R3HDM1: variants seen among roughly 807,000 people sequenced by gnomAD.
R3HDM1 encodes the protein R3H domain containing 1, also known as R3H domain-containing protein 1.
A neutral mutation model predicts 141.1 loss-of-function variants in R3HDM1; 46 were observed. The observed-to-expected ratio is 0.33, with a 90% CI of 0.26 to 0.42. R3HDM1 has a LOEUF of 0.42. R3HDM1 is among the 10% of genes least tolerant of loss of function. R3HDM1 has a pLI of 1.00. For missense variants in R3HDM1, 1,184 were observed against 1,368.3 expected, an observed-to-expected ratio of 0.87 and a Z score of 2.12; for synonymous variants, 435 against 472.9, an observed-to-expected ratio of 0.92 and a Z score of 1.04.
At chr2:135,638,681 T>C (rs1251682770) in intron 12 of R3HDM1, 26 bp downstream of exon 12, 2 of 1,611,232 alleles carry the variant, frequency 1.2e-6, no homozygotes, top group African/African-American at 2.7e-5. Context: ...ACATCTGTTT[T>C]GGTAATTGTC....
intron 19 of R3HDM1, among the ~76,000 whole-genome samples, chr2:135,666,113 G>C (rs1310792210): frequency 6.6e-6 from 1 of 152,156 alleles, no homozygotes; most frequent in East Asian, 1.9e-4. Context: ...ACTATGGTAG[G>C]ATCCTGATGA....
chr2:135,698,849 G>A (rs940415044), intron 21 of R3HDM1, among the ~76,000 whole-genome samples: 6 of 151,986 alleles, frequency 3.9e-5, no homozygotes, highest in Non-Finnish European at 8.8e-5. Flanking sequence ...AGTACCAAGG[G>A]GGAATGGTGC....
At chr2:135,579,597 G>GGA (rs1553539814) in intron 1 of R3HDM1, among the ~76,000 whole-genome samples, 1 of 119,120 alleles carries the variant, frequency 8.4e-6, no homozygotes, top group African/African-American at 2.7e-5. Context: ...TGGGGTGGCG[G>GGA]GGGGGGGTGG....
At chr2:135,539,664 G>GA (rs563136409) in intron 1 of R3HDM1, among the ~76,000 whole-genome samples, 376 of 146,558 alleles carry the variant, frequency 2.6e-3, no homozygotes, top group African/African-American at 7.4e-3. Context: ...GTTATCATTT[G>GA]AAAAAAAAAA....
In R3HDM1 at chr2:135,659,071, G is replaced by A. The variant is rs78826211; in HGVS notation, c.2029-2199G>A. Among the ~76,000 whole-genome samples the A allele has an allele frequency of 1.5e-4, 22 of 150,324 alleles. 1 individual carries two copies. Among genetic ancestry groups the A allele is most frequent in the South Asian group, 6.3e-4 (3 of 4,728 alleles). ...AGTCTGTGTGTGTGTGTGTGTGTGT[G>A]TGTGTGTGTGTGTGTGTTTGGTTTG... On this transcript the variant is annotated intron_variant, in intron 18 of 26. Transcript: ENST00000683871.
Position 135,715,598 on chromosome 2 carries a change from G to A in R3HDM1, c.2785G>A (p.Ala929Thr). The change falls in exon 24 of 27, where the codon GCA (alanine) becomes ACA (threonine). Residue 929 changes from alanine (A) to threonine (T), a missense_variant. Coordinates refer to ENST00000683871, the MANE Select transcript of R3HDM1 (RefSeq NM_001378107.1). ...SPIISPAQSP[A>T]PAQLSTLKTV... The stretch of plus-strand genomic sequence containing the variant: ...CATTATTTCACCAGCTCAGTCGCCA[G>A]CACCAGCTCAGCTGTCCACCCTGAA... 1 of 1,614,050 alleles carries A rather than the reference G, an allele frequency of 6.2e-7. No homozygotes were observed. Among genetic ancestry groups the A allele is most frequent in the Non-Finnish European group, 8.5e-7 (1 of 1,179,952 alleles).
At chr2:135,673,892 G>T (rs1363472183) in intron 19 of R3HDM1, among the ~76,000 whole-genome samples, 1 of 152,112 alleles carries the variant, frequency 6.6e-6, no homozygotes, top group African/African-American at 2.4e-5. Context: ...TGAGACAAGG[G>T]TCTTGCGCTG....
intron 1 of R3HDM1, among the ~76,000 whole-genome samples, chr2:135,540,436 C>A (rs1172062090): frequency 1.3e-5 from 2 of 152,150 alleles, no homozygotes; most frequent in East Asian, 1.9e-4. Context: ...CACAAATATT[C>A]TTTTAAGACA....
rs927059296 is a variant in R3HDM1 at position 135,602,425 on chromosome 2, T to C, written c.-249-75T>C. 19 of 997,876 alleles carry C rather than the reference T, an allele frequency of 1.9e-5. No individual in the cohort carries two copies. The African/African-American group carries it at 3.0e-4, about 16-fold the overall frequency. The allele number at this position is 997,876 out of a possible 1,614,324, so 61.8% of individuals were successfully genotyped here. A position where few individuals can be genotyped will look rare whatever the true frequency, so the allele number is the denominator to read the frequency against. On this transcript the variant is annotated intron_variant, in intron 1 of 26. Coordinates refer to ENST00000683871, the MANE Select transcript of R3HDM1 (RefSeq NM_001378107.1). ...AAACAACTGACAGTAATATTTTTAATTTCTCAGTTTCATGTGGAGTGTTCC... is the reference window on the plus strand; with the variant it reads ...AAACAACTGACAGTAATATTTTTAACTTCTCAGTTTCATGTGGAGTGTTCC...
intron 1 of R3HDM1, among the ~76,000 whole-genome samples, chr2:135,591,364 C>T (rs993856461): frequency 4.6e-5 from 7 of 151,998 alleles, no homozygotes; most frequent in African/African-American, 1.2e-4. Flanking sequence ...ATATATCAAG[C>T]GAAATCGAAT....
chr2:135,714,728 A>T (rs2105450505), intron 23 of R3HDM1, among the ~76,000 whole-genome samples: 1 of 151,036 alleles, frequency 6.6e-6, no homozygotes, highest in South Asian at 2.1e-4. Context: ...ACAGTTCCAA[A>T]AAACACAGTG....
chr2:135,563,209 G>C lies in R3HDM1; in HGVS notation c.-250+31576G>C, dbSNP rs1008519977. On this transcript the variant is annotated intron_variant, in intron 1 of 26. Coordinates refer to ENST00000683871, the MANE Select transcript of R3HDM1 (RefSeq NM_001378107.1). ...TAGCATGGGGAATAAATGCGTGCAT[G>C]TGTGTCACTCTTGTGCTGGGGCCAT... Among the ~76,000 whole-genome samples the C allele has an allele frequency of 8.5e-5, 13 of 152,336 alleles. No individual in the cohort carries two copies. In the East Asian group the frequency reaches 1.7e-3, roughly 20 times the overall value.
At chr2:135,717,637 A>G (rs1252555440) in intron 24 of R3HDM1, among the ~76,000 whole-genome samples, 12 of 152,174 alleles carry the variant, frequency 7.9e-5, no homozygotes, top group Non-Finnish European at 1.5e-5. Flanking sequence ...CTGGGTGATA[A>G]AATAATAAGT....
At chr2:135,657,410 C>CAA (rs11334528) in intron 18 of R3HDM1, among the ~76,000 whole-genome samples, 7 of 73,916 alleles carry the variant, frequency 9.5e-5, no homozygotes, top group Admixed American at 1.6e-4. Flanking sequence ...TACTCTGTCT[C>CAA]AAAAAAAAAA....
chr2:135,610,526 T>C (rs992453447), intron 3 of R3HDM1, among the ~76,000 whole-genome samples: 13 of 152,220 alleles, frequency 8.5e-5, no homozygotes, highest in Non-Finnish European at 1.9e-4. Flanking sequence ...TTATGTCTTG[T>C]ATCCCTCAAG....
chr2:135,584,459 TTG>T, intron 1 of R3HDM1: 2 of 852,844 alleles, frequency 2.3e-6, no homozygotes, highest in Non-Finnish European at 2.8e-6. Flanking sequence ...TGTTTCATAT[TTG>T]TGTTTTAACA....
intron 21 of R3HDM1, among the ~76,000 whole-genome samples, chr2:135,699,037 AGATAGAT>A (rs1188958265): frequency 2.0e-5 from 2 of 99,894 alleles, no homozygotes; most frequent in South Asian, 3.1e-4. Context: ...ATAGATAGAT[AGATAGAT>A]AAGATAGATA....
At chr2:135,577,088 AAGAG>A in intron 1 of R3HDM1, 1 of 948,256 alleles carries the variant, frequency 1.1e-6, no homozygotes, top group Non-Finnish European at 1.3e-6. Flanking sequence ...TAAATGTTTA[AAGAG>A]AGAGAAAAAA....
At chr2:135,535,296 C>T (rs1428810600) in intron 1 of R3HDM1, among the ~76,000 whole-genome samples, 1 of 152,020 alleles carries the variant, frequency 6.6e-6, no homozygotes, top group Non-Finnish European at 1.5e-5. Context: ...GTCAGCAGTT[C>T]GAGACCAGCC....
Sources: gnomAD v4.1 joint callset for allele counts (sites outside exome capture counted in the v4.1 genomes callset) on GRCh38, gnomAD v4.1.1 for gene constraint, MANE v1.5 for transcripts, NCBI Gene and HGNC (gene_info 2026-07-23, HGNC 2026-07-21) for gene names.